Variants in RALGAPB observed in about 807,000 individuals in gnomAD.
The protein encoded by RALGAPB is ral GTPase-activating protein subunit beta.
In RALGAPB, 25 loss-of-function variants were observed where a neutral mutation model predicts 161.1. The ratio of observed to expected loss-of-function variants is 0.16; its 90% CI spans 0.11 to 0.22. The LOEUF (loss-of-function observed/expected upper bound fraction) is 0.22. Among genes scored for constraint, RALGAPB ranks in the 10% least tolerant of loss-of-function variants. The pLI, the probability that RALGAPB is intolerant of heterozygous loss-of-function variation, is 1.00. For synonymous variants in RALGAPB, 629 were observed against 626.1 expected, an observed-to-expected ratio of 1.00 and a Z score of -0.07; for missense variants, 1,391 against 1,815.2, an observed-to-expected ratio of 0.77 and a Z score of 4.25.
At chr20:38,490,011 CT>C (rs1279117242) in intron 2 of RALGAPB, among the ~76,000 whole-genome samples, 1,764 of 140,542 alleles carry the variant, frequency 0.013, 7 homozygotes, top group African/African-American at 0.017. Context: ...TGGAATTATA[CT>C]TTTTTTTTTT....
intron 1 of RALGAPB, among the ~76,000 whole-genome samples, chr20:38,473,627 T>C (rs956077989): frequency 3.6e-4 from 55 of 152,212 alleles, no homozygotes; most frequent in African/African-American, 1.3e-3. Flanking sequence ...ACTGAGTCCC[T>C]GGGTGGTTGG....
At chr20:38,558,841 A>T (rs1299872701) in intron 23 of RALGAPB, among the ~76,000 whole-genome samples, 1 of 152,208 alleles carries the variant, frequency 6.6e-6, no homozygotes, top group East Asian at 1.9e-4. Flanking sequence ...CTTCAAAGTG[A>T]TTACTTAGCT....
At chr20:38,559,714 G>A (rs551382120) in intron 23 of RALGAPB, among the ~76,000 whole-genome samples, 1 of 151,934 alleles carries the variant, frequency 6.6e-6, no homozygotes, top group South Asian at 2.1e-4. Flanking sequence ...CAAAACAGAA[G>A]GACTAAGTAA....
chr20:38,540,423 A>G (rs949966431), intron 17 of RALGAPB, among the ~76,000 whole-genome samples: 3 of 152,200 alleles, frequency 2.0e-5, no homozygotes, highest in Non-Finnish European at 4.4e-5. Context: ...GTTCCCTACC[A>G]TTGTTCTGTG....
At chr20:38,570,683 G>A in intron 27 of RALGAPB, 86 bp from the exon 28 acceptor site, 1 of 827,282 alleles carries the variant, frequency 1.2e-6, no homozygotes, top group Non-Finnish European at 2.0e-6. Flanking sequence ...ACTCACTTAT[G>A]TAAAGCGATT....
At chr20:38,527,215 A>C (rs953451833) in intron 13 of RALGAPB, among the ~76,000 whole-genome samples, 1 of 152,198 alleles carries the variant, frequency 6.6e-6, no homozygotes. Flanking sequence ...TTATCTGTTC[A>C]AAAGTGGGAT....
rs1330202699 is a variant in RALGAPB at position 38,532,970 on chromosome 20, G to A, written c.2245+111G>A. 5 of 1,201,128 alleles carry A rather than the reference G, an allele frequency of 4.2e-6. No individual in the cohort carries two copies. The East Asian group carries it at 1.0e-4, about 25-fold the overall frequency. The allele number at this position is 1,201,128 out of a possible 1,614,324, so 74.4% of individuals were successfully genotyped here. A position where few individuals can be genotyped will look rare whatever the true frequency, so the allele number is the denominator to read the frequency against. On this transcript the variant is annotated intron_variant, in intron 15 of 29. Coordinates refer to ENST00000262879, the MANE Select transcript of RALGAPB (RefSeq NM_020336.4). ...ATGTTCATGTTTTTTATATACTTAA[G>A]TATAATAGAGAGGATGTCAGTCTTA...
chr20:38,486,744 A>T (rs1004249250), intron 1 of RALGAPB, among the ~76,000 whole-genome samples: 7 of 152,224 alleles, frequency 4.6e-5, no homozygotes, highest in African/African-American at 1.7e-4. Context: ...ACTAGTAATT[A>T]GCTTCAAACA....
rs759365371 is a variant in RALGAPB, at chr20:38,524,948, A to G, written c.1787+3A>G. On this transcript the variant is annotated splice_donor_region_variant and intron_variant, in intron 11 of 29. Transcript: ENST00000262879. ...CTTGAAACCATTTTGCCTGACAGGT[A>G]AGCTATCATTCTCTGCTATTATATC... 2.5e-6 allele frequency: 4 copies of G among 1,599,554 alleles called. No homozygotes were observed. Among genetic ancestry groups the G allele is most frequent in the Admixed American group, 3.3e-5 (2 of 59,990 alleles).
At chr20:38,570,364 T>A (rs2088186766) in intron 27 of RALGAPB, among the ~76,000 whole-genome samples, 2 of 152,222 alleles carry the variant, frequency 1.3e-5, no homozygotes, top group Non-Finnish European at 2.9e-5. Context: ...CATGTCCTAC[T>A]GTCTCGTTTT....
intron 5 of RALGAPB, among the ~76,000 whole-genome samples, chr20:38,505,280 A>AT (rs776112284): frequency 2.3e-4 from 35 of 152,260 alleles, no homozygotes; most frequent in Non-Finnish European, 4.4e-4. Context: ...TTGTAGCAAC[A>AT]TGGATGCAGC....
chr20:38,502,903 G>A (rs559653011), intron 5 of RALGAPB, among the ~76,000 whole-genome samples: 1 of 152,140 alleles, frequency 6.6e-6, no homozygotes, highest in South Asian at 2.1e-4. Context: ...ACTGCGCCTG[G>A]CCCTTTTTTA....
intron 3 of RALGAPB, among the ~76,000 whole-genome samples, chr20:38,496,678 T>C (rs2085436670): frequency 6.6e-6 from 1 of 152,212 alleles, no homozygotes; most frequent in African/African-American, 2.4e-5. Flanking sequence ...TTGGAAAAAA[T>C]GGTCCTGCGG....
intron 20 of RALGAPB, among the ~76,000 whole-genome samples, chr20:38,550,226 A>G (rs1260650379): frequency 1.3e-5 from 2 of 152,212 alleles, no homozygotes; most frequent in East Asian, 1.9e-4. Context: ...GCGCACCAGC[A>G]TGTCACATGT....
intron 21 of RALGAPB, among the ~76,000 whole-genome samples, 170 bp downstream of exon 21, chr20:38,551,393 C>T (rs111340280): frequency 2.3e-4 from 35 of 152,170 alleles, no homozygotes; most frequent in African/African-American, 7.9e-4. Flanking sequence ...TGTGGCTGAT[C>T]GAAAGGAACT....
intron 24 of RALGAPB, among the ~76,000 whole-genome samples, chr20:38,564,882 C>CTTCCTCCTCCTCTT (rs554944497): frequency 4.0e-5 from 6 of 151,544 alleles, no homozygotes; most frequent in Admixed American, 2.0e-4. Context: ...TCCTCCTCCT[C>CTTCCTCCTCCTCTT]TTCCTCCTCC....
chr20:38,567,262 A>C (rs374615769), intron 26 of RALGAPB, 30 bp downstream of exon 26: 87 of 1,601,230 alleles, frequency 5.4e-5, no homozygotes, highest in Middle Eastern at 1.7e-4. Flanking sequence ...GGTCTCCAAA[A>C]TTTTGTAGTG....
Position 38,539,959 on chromosome 20 carries a change from G to A in RALGAPB, c.2562+1G>A. ...GCACCCTGATATGCTTGATGAAAAG[G>A]TGAGTTTATTTTATTTTAAACCATT... On this transcript the variant is annotated splice_donor_variant, in intron 17 of 29. Coordinates refer to ENST00000262879, the MANE Select transcript of RALGAPB (RefSeq NM_020336.4). LOFTEE classifies it high-confidence loss of function. 6.2e-7 allele frequency: 1 copy of A among 1,604,464 alleles called. No individual in the cohort carries two copies. Among genetic ancestry groups the A allele is most frequent in the Non-Finnish European group, 8.5e-7 (1 of 1,175,862 alleles).
intron 1 of RALGAPB, among the ~76,000 whole-genome samples, chr20:38,487,595 C>A (rs570601505): frequency 6.6e-6 from 1 of 152,216 alleles, no homozygotes; most frequent in East Asian, 1.9e-4. Context: ...ACACAACTGA[C>A]CATACATTTA....
Sources: allele counts gnomAD v4.1 joint callset (sites outside exome capture counted in the v4.1 genomes callset), GRCh38; gene constraint gnomAD v4.1.1; transcripts MANE v1.5; gene names NCBI Gene and HGNC (gene_info 2026-07-23, HGNC 2026-07-21).